Variants in ELFN1 observed in about 807,000 individuals in gnomAD.
ELFN1 encodes the protein extracellular leucine rich repeat and fibronectin type III domain containing 1.
Under a neutral mutation model 7.6 loss-of-function variants are expected in ELFN1, and 6 were observed. That is an observed-to-expected ratio of 0.79 (90% confidence interval 0.43 to 1.56). ELFN1 has a LOEUF of 1.56. Ranked by LOEUF, ELFN1 falls within the 40% of genes most tolerant of loss-of-function variation. ELFN1 has a pLI of 0.01. For missense variants in ELFN1, 1,169 were observed against 1,232.2 expected (o/e 0.95, Z 0.77); for synonymous variants, 657 against 588.1 (o/e 1.12, Z -1.70).
At position 1,746,229 on chromosome 7, in the gene ELFN1, G is replaced by C; in HGVS notation, c.1633G>C (p.Gly545Arg). The C allele has an allele frequency of 6.4e-7, 1 of 1,563,176 alleles. No homozygotes were observed. Among genetic ancestry groups the C allele is most frequent in the Non-Finnish European group, 8.7e-7 (1 of 1,155,934 alleles). ...CAGGGACTGTGAGCTGGGCCGGCCG[G>C]GCCCCGACAGCCAGAGTTCGGTGGC... is the stretch of plus-strand genomic sequence containing the variant. ...ERRDCELGRP[G>R]PDSQSSVAEI... Residue 545 changes from glycine (G) to arginine (R), a missense_variant, in exon 4 of 4, where the codon GGC becomes CGC. Around this residue, in one of 2 missense-constraint regions of ELFN1, gnomAD observed 914 missense variants for 872.6 expected, o/e 1.05. Transcript: ENST00000424383.
At chr7:1,698,619 A>G (rs1562364977) in intron 2 of ELFN1, among the ~76,000 whole-genome samples, 2 of 152,216 alleles carry the variant, frequency 1.3e-5, no homozygotes, top group Non-Finnish European at 2.9e-5. Context: ...AGCAATATAC[A>G]TGTGTATACA....
intron 2 of ELFN1, chr7:1,693,833 C>A: frequency 2.2e-6 from 1 of 464,040 alleles, no homozygotes. Flanking sequence ...ACGGCTGGGC[C>A]AATCGGGGTT....
chr7:1,680,242 G>GGAGT (rs1778949271), intron 1 of ELFN1, among the ~76,000 whole-genome samples: 1 of 152,230 alleles, frequency 6.6e-6, no homozygotes, highest in Admixed American at 6.5e-5. Flanking sequence ...ACCCCTTGGA[G>GGAGT]GAGTGCCCAA....
In ELFN1 at chr7:1,705,419, T is replaced by C. The variant is rs985498621; in HGVS notation, c.-455-3672T>C. ...ACCCGGACATTTGCAAGTTGATGAG[T>C]TGTTCTTCATCCTGGAAGGAGGAGG... On this transcript the variant is annotated intron_variant, in intron 2 of 3. Coordinates refer to ENST00000424383, the MANE Select transcript of ELFN1 (RefSeq NM_001128636.4). The surrounding 1 kb of genome is among the most constrained non-coding windows in gnomAD (Gnocchi z 4.3). Among the ~76,000 whole-genome samples, 1 of 152,206 alleles carries C rather than the reference T, an allele frequency of 6.6e-6. No homozygotes were observed. The highest frequency in any genetic ancestry group is 1.5e-5 in the Non-Finnish European group (1 of 68,038).
chr7:1,715,610 G>T (rs1779806579), intron 3 of ELFN1, among the ~76,000 whole-genome samples: 1 of 152,216 alleles, frequency 6.6e-6, no homozygotes, highest in Admixed American at 6.5e-5. Flanking sequence ...AGGCCAGGCT[G>T]CAGGGATCCA....
chr7:1,670,124 G>T (rs1020577944), upstream of ELFN1, among the ~76,000 whole-genome samples: 2 of 149,580 alleles, frequency 1.3e-5, no homozygotes, highest in Non-Finnish European at 3.0e-5. The surrounding 1 kb of genome is among the most constrained non-coding windows in gnomAD (Gnocchi z 6.4). Flanking sequence ...GGAGCGCGCA[G>T]GCGGGCGAGG....
At position 1,735,342 on chromosome 7, in the gene ELFN1, G is replaced by A. The variant is rs918383317; in HGVS notation, c.-293-8962G>A. Among the ~76,000 whole-genome samples the A allele has an allele frequency of 2.0e-5, 3 of 152,044 alleles. No homozygotes were observed. The East Asian group carries it at 5.8e-4, about 29-fold the overall frequency. On this transcript the variant is annotated intron_variant, in intron 3 of 3. Coordinates refer to ENST00000424383, the MANE Select transcript of ELFN1 (RefSeq NM_001128636.4). This position sits in a 1 kb window ranked among gnomAD's most constrained non-coding sequence, Gnocchi z 5.9. ...GTAAGGTCGTCAGGCACTCGGCACC[G>A]TTCCCATAGCCCCTTGACCTTCCCC... is the stretch of plus-strand genomic sequence containing the variant.
chr7:1,745,878 G>A lies in ELFN1; in HGVS notation c.1282G>A (p.Gly428Ser), dbSNP rs779076976. 1.2e-5 allele frequency: 19 copies of A among 1,592,242 alleles called. No individual in the cohort carries two copies. Among genetic ancestry groups the A allele is most frequent in the Admixed American group, 5.3e-5 (3 of 56,952 alleles). The part of the protein sequence containing the change: ...YIMTILGCLF[G>S]MVLVLGAVYY... ...CATGACCATCCTGGGCTGCCTCTTC[G>A]GCATGGTGCTGGTGCTGGGCGCCGT... Residue 428 changes from glycine (G) to serine (S), a missense_variant, in exon 4 of 4, where the codon GGC becomes AGC. Gly to Ser is a moderately conservative substitution (Grantham distance 56, BLOSUM62 0). Around this residue, in one of 2 missense-constraint regions of ELFN1, gnomAD observed 914 missense variants for 872.6 expected, o/e 1.05. Transcript: ENST00000424383.
At chr7:1,730,536 G>A (rs2128598284) in intron 3 of ELFN1, among the ~76,000 whole-genome samples, 1 of 152,338 alleles carries the variant, frequency 6.6e-6, no homozygotes, top group East Asian at 1.9e-4. Flanking sequence ...CTTAATATTA[G>A]ATAAATCTAT....
At chr7:1,681,530 T>G (rs528599316) in intron 1 of ELFN1, among the ~76,000 whole-genome samples, 2 of 152,204 alleles carry the variant, frequency 1.3e-5, no homozygotes, top group African/African-American at 4.8e-5. Context: ...GCCCAGCTGA[T>G]TTTTGTATTT....
intron 2 of ELFN1, among the ~76,000 whole-genome samples, chr7:1,701,000 A>C (rs1442042348): frequency 6.6e-6 from 1 of 152,240 alleles, no homozygotes; most frequent in Non-Finnish European, 1.5e-5. Context: ...GAATGAGATC[A>C]CATTCTCTCA....
chr7:1,676,544 C>T (rs567461063), intron 1 of ELFN1, among the ~76,000 whole-genome samples: 11 of 152,318 alleles, frequency 7.2e-5, no homozygotes, highest in East Asian at 1.9e-4. Context: ...AGGGCAGAGC[C>T]GCCACTGCTG....
At chr7:1,672,153 C>T (rs1303171182) in intron 1 of ELFN1, among the ~76,000 whole-genome samples, 1 of 152,214 alleles carries the variant, frequency 6.6e-6, no homozygotes, top group African/African-American at 2.4e-5. Context: ...CAGTGGGCAC[C>T]TGAACCAGAG....
chr7:1,733,264 T>TC (rs1254204362), intron 3 of ELFN1, among the ~76,000 whole-genome samples: 2 of 151,958 alleles, frequency 1.3e-5, no homozygotes, highest in Non-Finnish European at 1.5e-5. Flanking sequence ...GGGACACCAG[T>TC]CCCCGGGACA....
chr7:1,699,466 T>A (rs1779382726), intron 2 of ELFN1, among the ~76,000 whole-genome samples: 1 of 152,068 alleles, frequency 6.6e-6, no homozygotes, highest in East Asian at 1.9e-4. Flanking sequence ...AGTGAGACCC[T>A]GTCTCTAAAA....
At chr7:1,697,543 C>T (rs1162221841) in intron 2 of ELFN1, among the ~76,000 whole-genome samples, 12 of 152,262 alleles carry the variant, frequency 7.9e-5, no homozygotes, top group Admixed American at 7.8e-4. Flanking sequence ...CAGCTTCCCA[C>T]TGGCCTTGTC....
At chr7:1,722,335 C>T (rs1018657611) in intron 3 of ELFN1, among the ~76,000 whole-genome samples, 25 of 149,580 alleles carry the variant, frequency 1.7e-4, no homozygotes, top group African/African-American at 6.2e-4. Flanking sequence ...GGCGCGATCT[C>T]GGCTCACTGC....
At chr7:1,675,661 G>A (rs573913580) in intron 1 of ELFN1, among the ~76,000 whole-genome samples, 2 of 152,340 alleles carry the variant, frequency 1.3e-5, no homozygotes, top group South Asian at 4.1e-4. Context: ...GCCGTCGGGG[G>A]GCTCCCCAGA....
At chr7:1,737,684 G>A (rs1291255288) in intron 3 of ELFN1, among the ~76,000 whole-genome samples, 4 of 152,086 alleles carry the variant, frequency 2.6e-5, no homozygotes, top group Non-Finnish European at 5.9e-5. Context: ...GCCAGCTCCT[G>A]CTTGAACACC....
Sources: gnomAD v4.1 joint callset for allele counts (sites outside exome capture counted in the v4.1 genomes callset) on GRCh38, gnomAD v4.1.1 for gene constraint, gnomAD v4.1.1 regional missense constraint, Gnocchi (gnomAD v3.1) non-coding constraint, MANE v1.5 for transcripts, NCBI Gene and HGNC (gene_info 2026-07-23, HGNC 2026-07-21) for gene names.